The following CXCR5 variants were observed in gnomAD, a reference collection of about 807,000 sequenced individuals.
CXCR5 encodes the protein C-X-C motif chemokine receptor 5, also known as C-X-C chemokine receptor type 5.
In CXCR5, 3 loss-of-function variants were observed where a neutral mutation model predicts 5.6. The observed-to-expected ratio is 0.54, with a 90% CI of 0.24 to 1.39. CXCR5 has a LOEUF of 1.39. Ranked by LOEUF, CXCR5 falls within the 40% of genes most tolerant of loss-of-function variation. CXCR5 has a pLI of 0.16. For missense variants in CXCR5, 333 were observed against 494.6 expected, an observed-to-expected ratio of 0.67 and a Z score of 3.10; for synonymous variants, 218 against 219.9, an observed-to-expected ratio of 0.99 and a Z score of 0.08.
At chr11:118,892,132 A>C (rs1348007131) in intron 1 of CXCR5, among the ~76,000 whole-genome samples, 1 of 152,154 alleles carries the variant, frequency 6.6e-6, no homozygotes, top group Non-Finnish European at 1.5e-5. Context: ...AGACTGAGGC[A>C]ATGGCAGAGG....
chr11:118,892,482 C>T (rs1252961458), intron 1 of CXCR5, among the ~76,000 whole-genome samples: 1 of 149,994 alleles, frequency 6.7e-6, no homozygotes, highest in Non-Finnish European at 1.5e-5. Flanking sequence ...ATTTTGAATC[C>T]ACATAGGTTG....
In CXCR5 at chr11:118,883,975, G is replaced by A. The variant is rs141581349; in HGVS notation, c.34G>A (p.Glu12Lys). ...CCCGCTAACGCTGGAAATGGACCTC[G>A]AGAACCTGGAGGACCTGGTGAGTAG... ...NYPLTLEMDL[E>K]NLEDLFWELD... is the part of the protein sequence containing the mutation. Residue 12 changes from glutamate to lysine, a missense_variant, in exon 1 of 2, where the codon GAG becomes AAG. Physicochemically the swap from Glu to Lys is moderately conservative, Grantham distance 56. Coordinates refer to ENST00000292174, the MANE Select transcript of CXCR5 (RefSeq NM_001716.5). 8 of 1,612,650 alleles carry A rather than the reference G, an allele frequency of 5.0e-6. No individual in the cohort carries two copies. The highest frequency in any genetic ancestry group is 4.4e-5 in the South Asian group (4 of 90,764).
rs187098041 is a variant in CXCR5, at chr11:118,897,603, T to C, written c.*2940T>C. 201 of 356,970 alleles carry C rather than the reference T, an allele frequency of 5.6e-4. 2 individuals are homozygous for C. Among genetic ancestry groups the C allele is most frequent in the African/African-American group, 4.0e-3 (184 of 46,192 alleles). 22.1% of individuals were successfully genotyped at this position (356,970 alleles called of 1,614,324 possible). ...TCAGTTTAGGAGTGGGTCATTTACG[T>C]CATCTTACCATTTGGGGACGAGACA... On this transcript the variant is annotated 3_prime_UTR_variant, in exon 2 of 2. Coordinates refer to ENST00000292174, the MANE Select transcript of CXCR5 (RefSeq NM_001716.5).
intron 1 of CXCR5, among the ~76,000 whole-genome samples, chr11:118,884,366 C>T (rs2137648992): frequency 6.6e-6 from 1 of 152,264 alleles, no homozygotes; most frequent in East Asian, 1.9e-4. Context: ...GGTTTTCTTA[C>T]CGTAAGGAGG....
chr11:118,887,807 T>A (rs1939737863), intron 1 of CXCR5: 1 of 152,582 alleles, frequency 6.6e-6, no homozygotes, highest in African/African-American at 2.4e-5. Flanking sequence ...GCTGGGAATA[T>A]CCACACAGGG....
At position 118,894,970 on chromosome 11, in the gene CXCR5, T is replaced by C. The variant is rs942322502; in HGVS notation, c.*307T>C. ...CCTCACGCACCTCCCATCCTAATCATCCAATGCTCAAGAAACAACTTCTAC... is the reference window on the plus strand; with the variant it reads ...CCTCACGCACCTCCCATCCTAATCACCCAATGCTCAAGAAACAACTTCTAC... On this transcript the variant is annotated 3_prime_UTR_variant, in exon 2 of 2. Transcript: ENST00000292174. This position sits in a 1 kb window ranked among gnomAD's most constrained non-coding sequence, Gnocchi z 6.1. The C allele has an allele frequency of 6.1e-6, 2 of 327,866 alleles. No homozygotes were observed. The highest frequency in any genetic ancestry group is 5.2e-5 in the East Asian group (1 of 19,152). The allele number at this position is 327,866 out of a possible 1,614,324, so 20.3% of individuals were successfully genotyped here.
At position 118,893,944 on chromosome 11, in the gene CXCR5, T is replaced by C. The variant is rs140371886; in HGVS notation, c.400T>C (p.Tyr134His). 1.4e-5 allele frequency: 22 copies of C among 1,614,000 alleles called. No individual in the cohort carries two copies. In the African/African-American group the frequency reaches 2.3e-4, roughly 17 times the overall value. Reference protein sequence around the residue: ...TVIALHKVNFYCSSLLLACIA... With the variant: ...TVIALHKVNFHCSSLLLACIA... ...GATTGCCCTGCACAAAGTCAACTTCTACTGCAGCAGCCTGCTCCTGGCCTG... is the reference window on the plus strand; with the variant it reads ...GATTGCCCTGCACAAAGTCAACTTCCACTGCAGCAGCCTGCTCCTGGCCTG... Residue 134 changes from tyrosine (Y) to histidine (H), a missense_variant, in exon 2 of 2, where the codon TAC becomes CAC. Coordinates refer to ENST00000292174, the MANE Select transcript of CXCR5 (RefSeq NM_001716.5). This position sits in a 1 kb window ranked among gnomAD's most constrained non-coding sequence, Gnocchi z 5.7.
In CXCR5 at chr11:118,896,951, C is replaced by G. The variant is rs1467616784; in HGVS notation, c.*2288C>G. The G allele has an allele frequency of 6.5e-6, 1 of 152,746 alleles. No individual in the cohort carries two copies. Among genetic ancestry groups the G allele is most frequent in the Non-Finnish European group, 1.5e-5 (1 of 68,126 alleles). 9.5% of individuals were successfully genotyped at this position (152,746 alleles called of 1,614,324 possible). A position where few individuals can be genotyped will look rare whatever the true frequency, so the allele number is the denominator to read the frequency against. On this transcript the variant is annotated 3_prime_UTR_variant, in exon 2 of 2. Transcript: ENST00000292174. ...AGTCGTATATGGCTTCAGCTCTGAC[C>G]AAAGGCGGATAGGGAGCTCTCCTGG...
Position 118,887,401 on chromosome 11 carries a change from G to A in CXCR5, c.51+3409G>A, listed in dbSNP as rs114719355. 397 of 985,474 alleles carry A rather than the reference G, an allele frequency of 4.0e-4. 1 individual carries two copies. The African/African-American group carries it at 6.5e-3, about 16-fold the overall frequency. 61.0% of individuals were successfully genotyped at this position (985,474 alleles called of 1,614,324 possible). A position where few individuals can be genotyped will look rare whatever the true frequency, so the allele number is the denominator to read the frequency against. On this transcript the variant is annotated intron_variant, in intron 1 of 1. Transcript: ENST00000292174. ...TGGACTGTGTGACTCTGTATCCAAA[G>A]GGCAAAGAGACGCTGGGGTGCCAGG...
Position 118,893,821 on chromosome 11 carries a change from C to A in CXCR5, c.277C>A (p.Leu93Met), listed in dbSNP as rs1357562252. The change falls in exon 2 of 2, where the codon CTG becomes ATG. Residue 93 changes from leucine to methionine, a missense_variant. Physicochemically the swap from Leu to Met is conservative, Grantham distance 15 (BLOSUM62 2). Coordinates refer to ENST00000292174, the MANE Select transcript of CXCR5 (RefSeq NM_001716.5). This position sits in a 1 kb window ranked among gnomAD's most constrained non-coding sequence, Gnocchi z 5.7. ...RSSTETFLFH[L>M]AVADLLLVFI... ...TTCCACGGAGACCTTCCTGTTCCAC[C>A]TGGCCGTGGCCGACCTCCTGCTGGT... 6.2e-7 allele frequency: 1 copy of A among 1,614,058 alleles called. No homozygotes were observed. Among genetic ancestry groups the A allele is most frequent in the African/African-American group, 1.3e-5 (1 of 74,932 alleles).
At chr11:118,886,608 G>A (rs921273334) in intron 1 of CXCR5, 4 of 349,078 alleles carry the variant, frequency 1.1e-5, no homozygotes, top group African/African-American at 8.6e-5. Context: ...CCATCCTGCT[G>A]GAAAGGCCGA....
intron 1 of CXCR5, among the ~76,000 whole-genome samples, chr11:118,889,351 G>T (rs553673480): frequency 1.3e-5 from 2 of 152,342 alleles, no homozygotes; most frequent in Admixed American, 6.5e-5. Flanking sequence ...GCATGTTGCT[G>T]TCAAGAGTGT....
chr11:118,891,380 C>A (rs1439811776), intron 1 of CXCR5, among the ~76,000 whole-genome samples: 1 of 151,836 alleles, frequency 6.6e-6, no homozygotes, highest in Non-Finnish European at 1.5e-5. Flanking sequence ...TGGTCTGTTA[C>A]CCAGGCTGGA....
intron 1 of CXCR5, chr11:118,887,826 G>C (rs1056473180): frequency 2.0e-5 from 3 of 152,368 alleles, no homozygotes; most frequent in African/African-American, 7.2e-5. Flanking sequence ...GGACATAAAA[G>C]GATATGGAGC....
intron 1 of CXCR5, chr11:118,886,884 A>G (rs1939722261): frequency 6.4e-6 from 1 of 155,362 alleles, no homozygotes; most frequent in Non-Finnish European, 1.4e-5. Context: ...ATCACAGGCG[A>G]CACAGCCCGT....
At chr11:118,891,367 T>G (rs1182714570) in intron 1 of CXCR5, among the ~76,000 whole-genome samples, 1 of 151,682 alleles carries the variant, frequency 6.6e-6, no homozygotes, top group Non-Finnish European at 1.5e-5. Context: ...TGAGATTGGG[T>G]CTTGGTCTGT....
intron 1 of CXCR5, among the ~76,000 whole-genome samples, chr11:118,884,335 T>C (rs2137648952): frequency 6.6e-6 from 1 of 152,310 alleles, no homozygotes; most frequent in South Asian, 2.1e-4. Context: ...AATATGGAAC[T>C]AGACAGGAAA....
intron 1 of CXCR5, among the ~76,000 whole-genome samples, chr11:118,892,937 G>A (rs2137658803): frequency 6.6e-6 from 1 of 152,306 alleles, no homozygotes; most frequent in Admixed American, 6.5e-5. Context: ...TTGTTCAGTG[G>A]GAGGTACTGG....
rs888759522 is a variant in CXCR5, at chr11:118,894,939, A to G, written c.*276A>G. 1 of 388,518 alleles carries G rather than the reference A, an allele frequency of 2.6e-6. No individual in the cohort carries two copies. The highest frequency in any genetic ancestry group is 4.8e-6 in the Non-Finnish European group (1 of 208,750). 24.1% of individuals were successfully genotyped at this position (388,518 alleles called of 1,614,324 possible). A position where few individuals can be genotyped will look rare whatever the true frequency, so the allele number is the denominator to read the frequency against. On this transcript the variant is annotated 3_prime_UTR_variant, in exon 2 of 2. Coordinates refer to ENST00000292174, the MANE Select transcript of CXCR5 (RefSeq NM_001716.5). The surrounding 1 kb of genome is among the most constrained non-coding windows in gnomAD (Gnocchi z 6.1). Reference sequence around the variant, plus strand: ...TACCCATCTGCACCCCCCTGGGCTGAGAGAACCTCACGCACCTCCCATCCT... The same window carrying G: ...TACCCATCTGCACCCCCCTGGGCTGGGAGAACCTCACGCACCTCCCATCCT...
Sources: allele counts gnomAD v4.1 joint callset (sites outside exome capture counted in the v4.1 genomes callset), GRCh38; gene constraint gnomAD v4.1.1; non-coding constraint Gnocchi (gnomAD v3.1); transcripts MANE v1.5; gene names NCBI Gene and HGNC (gene_info 2026-07-23, HGNC 2026-07-21).